PCDH15: variants seen among roughly 807,000 people sequenced by gnomAD.
PCDH15 encodes the protein protocadherin-15.
PCDH15 carries 129 observed loss-of-function variants against 178.5 expected under a neutral mutation model. The ratio of observed to expected loss-of-function variants is 0.72; its 90% CI spans 0.63 to 0.84. The LOEUF (loss-of-function observed/expected upper bound fraction) is 0.84, where lower values mean the gene tolerates loss of function less well. PCDH15 is among the 40% of genes least tolerant of loss of function. The probability of loss-of-function intolerance (pLI) is 0.00; values close to 1 mark genes in which losing one functional copy is unlikely to be tolerated. For synonymous variants in PCDH15, 800 were observed against 732.0 expected (o/e 1.09, Z -1.50); for missense variants, 2,230 against 2,099.9 (o/e 1.06, Z -1.21).
rs891336724 is a variant in PCDH15 at position 54,988,860 on chromosome 10, A to G, written c.-79-91360T>C. Among the ~76,000 whole-genome samples, 10 of 152,182 alleles carry G rather than the reference A, an allele frequency of 6.6e-5. 1 individual carries two copies. Among genetic ancestry groups the G allele is most frequent in the Non-Finnish European group, 1.5e-4 (10 of 68,034 alleles). ...TAAGTAACAAGGAGCCCAAATGTTT[A>G]TCCCCAGGATCATGGGGAAAATGTT... is the stretch of plus-strand genomic sequence containing the variant. On this transcript the variant is annotated intron_variant, in intron 2 of 5. Coordinates refer to the PCDH15 transcript ENST00000458638.
At chr10:54,769,974 C>CTATAT (rs1221723015) in intron 1 of PCDH15, among the ~76,000 whole-genome samples, 1 of 152,214 alleles carries the variant, frequency 6.6e-6, no homozygotes, top group Non-Finnish European at 1.5e-5. Flanking sequence ...ACATATGTAT[C>CTATAT]TATTTACATT....
At chr10:55,014,991 C>A (rs1274543134) in intron 2 of PCDH15, among the ~76,000 whole-genome samples, 2 of 152,080 alleles carry the variant, frequency 1.3e-5, no homozygotes, top group East Asian at 1.9e-4. Flanking sequence ...GAGGCCGAGG[C>A]GGGCAGATCA....
intron 3 of PCDH15, among the ~76,000 whole-genome samples, chr10:54,873,031 A>G (rs1051822779): frequency 6.6e-6 from 1 of 152,046 alleles, no homozygotes; most frequent in Non-Finnish European, 1.5e-5. Context: ...AAAACGAAAC[A>G]ATTTTCTACA....
intron 18 of PCDH15, among the ~76,000 whole-genome samples, chr10:54,035,540 AT>A (rs1019986370): frequency 2.0e-5 from 3 of 151,820 alleles, no homozygotes; most frequent in African/African-American, 4.8e-5. Flanking sequence ...CTATGTATAC[AT>A]TTTTTTGACA....
At chr10:53,931,260 C>T (rs573919723) in intron 25 of PCDH15, among the ~76,000 whole-genome samples, 2 of 152,122 alleles carry the variant, frequency 1.3e-5, no homozygotes. Context: ...GAAAAGGCTG[C>T]AAATCAGGGG....
At chr10:55,136,599 G>A (rs1838204159) in intron 2 of PCDH15, among the ~76,000 whole-genome samples, 1 of 152,074 alleles carries the variant, frequency 6.6e-6, no homozygotes, top group Admixed American at 6.6e-5. Context: ...GGTAAAGGAA[G>A]TAAGTGAAAT....
chr10:53,985,471 C>T (rs2091029280), intron 21 of PCDH15, among the ~76,000 whole-genome samples: 1 of 152,060 alleles, frequency 6.6e-6, no homozygotes, highest in African/African-American at 2.4e-5. Context: ...GTAAAGATGG[C>T]TTGAGGTTGG....
intron 21 of PCDH15, among the ~76,000 whole-genome samples, chr10:53,992,098 G>A (rs541287810): frequency 6.6e-6 from 1 of 151,832 alleles, no homozygotes; most frequent in Non-Finnish European, 1.5e-5. Flanking sequence ...CCTGAGGCCA[G>A]CGAGACCATG....
At chr10:53,924,596 C>G (rs1476981320) in intron 25 of PCDH15, among the ~76,000 whole-genome samples, 1 of 152,164 alleles carries the variant, frequency 6.6e-6, no homozygotes, top group African/African-American at 2.4e-5. Context: ...GCAGCTCCGC[C>G]TGCGGCCCCA....
intron 5 of PCDH15, among the ~76,000 whole-genome samples, chr10:54,347,423 A>C (rs1276447208): frequency 1.3e-5 from 2 of 152,082 alleles, no homozygotes; most frequent in Non-Finnish European, 2.9e-5. Flanking sequence ...TTGCATTGTT[A>C]GAGGAACTAA....
In PCDH15 at chr10:53,961,745, C is replaced by T. The variant is rs201161336; in HGVS notation, c.3009+7G>A. 61 of 1,600,906 alleles carry T rather than the reference C, an allele frequency of 3.8e-5. No individual in the cohort carries two copies. The highest frequency in any genetic ancestry group is 5.1e-6 in the Non-Finnish European group (6 of 1,173,068). On this transcript the variant is annotated splice_region_variant and intron_variant, in intron 22 of 37. Transcript: ENST00000644397. ...AAATAGACCACATAATGAAAAGAGA[C>T]ACTGACCTTAAAAATTGTTGTAGGT...
At position 54,848,726 on chromosome 10, in the gene PCDH15, G is replaced by A. The variant is rs146789449; in HGVS notation, c.-29+48724C>T. Among the ~76,000 whole-genome samples, 1,130 of 152,226 alleles carry A rather than the reference G, an allele frequency of 7.4e-3. 14 individuals are homozygous for A. Among genetic ancestry groups the A allele is most frequent in the African/African-American group, 0.025 (1,055 of 41,542 alleles). On this transcript the variant is annotated intron_variant, in intron 3 of 5. Coordinates refer to the PCDH15 transcript ENST00000458638. ...CACCACTGTTAATAAAATATTTTTA[G>A]TGCTTTTCTGTGCCTCCATTATTTT... is the stretch of plus-strand genomic sequence containing the variant.
chr10:54,380,705 C>A (rs868197780), intron 3 of PCDH15, among the ~76,000 whole-genome samples: 1 of 49,006 alleles, frequency 2.0e-5, no homozygotes, highest in African/African-American at 9.6e-5. Context: ...ATATATGCTC[C>A]ATATATATAT....
At chr10:54,313,648 C>T (rs1431592503) in intron 8 of PCDH15, among the ~76,000 whole-genome samples, 1 of 149,572 alleles carries the variant, frequency 6.7e-6, no homozygotes, top group Admixed American at 6.7e-5. Context: ...AAACTGTCTA[C>T]CAGAAACGTT....
chr10:54,444,488 T>C (rs2076026486), intron 3 of PCDH15, among the ~76,000 whole-genome samples: 1 of 151,746 alleles, frequency 6.6e-6, no homozygotes, highest in African/African-American at 2.4e-5. Flanking sequence ...ATTCCCATTA[T>C]ACATTCCTTC....
intron 3 of PCDH15, among the ~76,000 whole-genome samples, chr10:54,831,315 C>A (rs1953224300): frequency 6.6e-6 from 1 of 152,028 alleles, no homozygotes; most frequent in Middle Eastern, 3.4e-3. Context: ...ACAGAAAAAA[C>A]TTATTGTCAA....
intron 1 of PCDH15, among the ~76,000 whole-genome samples, chr10:54,749,772 A>G (rs543479433): frequency 6.6e-6 from 1 of 152,210 alleles, no homozygotes; most frequent in Admixed American, 6.5e-5. Flanking sequence ...GCAGAGTTTG[A>G]AGTTTAAAAC....
intron 3 of PCDH15, among the ~76,000 whole-genome samples, chr10:54,860,554 G>C (rs769866640): frequency 6.6e-6 from 1 of 152,070 alleles, no homozygotes; most frequent in Non-Finnish European, 1.5e-5. Context: ...ATCCACCTCT[G>C]ATGGGCACCT....
chr10:54,022,672 GATCT>G (rs2092960542), intron 19 of PCDH15, among the ~76,000 whole-genome samples: 1 of 151,968 alleles, frequency 6.6e-6, no homozygotes, highest in Non-Finnish European at 1.5e-5. Context: ...CTTACAAATA[GATCT>G]TTCTGCCCTT....
Sources: gnomAD v4.1 joint callset for allele counts (sites outside exome capture counted in the v4.1 genomes callset) on GRCh38, gnomAD v4.1.1 for gene constraint, MANE v1.5 for transcripts, NCBI Gene and HGNC (gene_info 2026-07-23, HGNC 2026-07-21) for gene names.